Variants in KMT2B observed in about 807,000 individuals in gnomAD.
KMT2B encodes histone-lysine N-methyltransferase 2B.
A neutral mutation model predicts 255.3 loss-of-function variants in KMT2B; 22 were observed. The ratio of observed to expected loss-of-function variants is 0.09; its 90% CI spans 0.06 to 0.12. KMT2B has a LOEUF of 0.12. Among genes scored for constraint, KMT2B ranks in the 10% least tolerant of loss-of-function variants. The pLI, the probability that KMT2B is intolerant of heterozygous loss-of-function variation, is 1.00. For missense variants in KMT2B, 3,149 were observed against 3,737.0 expected (o/e 0.84, Z 4.10); for synonymous variants, 1,730 against 1,498.1 (o/e 1.15, Z -3.57).
rs1038476972 is a variant in KMT2B at position 35,730,027 on chromosome 19, A to G, written c.4978A>G (p.Ser1660Gly). ...TVGCCLSSCL[S>G]NFHFMCARAS... is the part of the protein sequence containing the mutation. The stretch of plus-strand genomic sequence containing the variant: ...GGGCTGCTGCCTGTCCTCCTGCCTC[A>G]GCAACTTCCACTTCATGTGTGCCCG... The change falls in exon 23 of 37, where the codon AGC becomes GGC. Residue 1660 changes from serine (S) to glycine (G), a missense_variant. By Grantham distance (56) the Ser-to-Gly change is moderately conservative (BLOSUM62 0). Around this residue, in one of 18 missense-constraint regions of KMT2B, gnomAD observed 14 missense variants for 69.9 expected, o/e 0.20. Coordinates refer to ENST00000420124, the MANE Select transcript of KMT2B (RefSeq NM_014727.3). The G allele has an allele frequency of 3.7e-6, 6 of 1,613,780 alleles. No individual in the cohort carries two copies. The highest frequency in any genetic ancestry group is 3.4e-6 in the Non-Finnish European group (4 of 1,179,844).
At chr19:35,722,014 T>A (rs1219869588) in intron 3 of KMT2B, among the ~76,000 whole-genome samples, 1 of 151,398 alleles carries the variant, frequency 6.6e-6, no homozygotes, top group African/African-American at 2.4e-5. Flanking sequence ...TTTTTTTTTT[T>A]TTTTTATTTT....
At chr19:35,719,718 C>T in intron 2 of KMT2B, 66 bp from the exon 3 acceptor site, 2 of 1,533,782 alleles carry the variant, frequency 1.3e-6, no homozygotes, top group Non-Finnish European at 1.8e-6. Context: ...CCCTGCCCTC[C>T]TGGAGCGCCT....
At chr19:35,719,751 T>C in intron 2 of KMT2B, 33 bp from the exon 3 acceptor site, 2 of 1,551,354 alleles carry the variant, frequency 1.3e-6, no homozygotes, top group Non-Finnish European at 1.7e-6. Context: ...AGGGCTGGCT[T>C]GATCCATCTC....
At chr19:35,735,462 C>G (rs1324768884) in intron 30 of KMT2B, 1 of 152,348 alleles carries the variant, frequency 6.6e-6, no homozygotes, top group Non-Finnish European at 1.5e-5. Flanking sequence ...CTGGTCCTGC[C>G]TCCTTGCTCA....
chr19:35,729,724 G>T (rs546201417), intron 22 of KMT2B, among the ~76,000 whole-genome samples: 1 of 152,266 alleles, frequency 6.6e-6, no homozygotes, highest in African/African-American at 2.4e-5. Context: ...CACAACCTCC[G>T]CCTGAAAACT....
chr19:35,722,373 G>A lies in KMT2B; in HGVS notation c.2472G>A (p.Gly824=), dbSNP rs1444318408. Residue 824 remains glycine, a synonymous_variant, in exon 4 of 37, where the codon GGG becomes GGA. Coordinates refer to ENST00000420124, the MANE Select transcript of KMT2B (RefSeq NM_014727.3). ...VAASMPLSPG[G]QMEEVAGAVK... is the part of the protein sequence containing the mutation. ...TTCCCTGCCAGCTGAGCCCTGGAGG[G>A]CAGATGGAGGAGGTGGCCGGGGCTG... The A allele has an allele frequency of 6.2e-7, 1 of 1,610,040 alleles. No individual in the cohort carries two copies. The highest frequency in any genetic ancestry group is 2.2e-5 in the East Asian group (1 of 44,852).
rs770375335 is a variant in KMT2B at position 35,721,132 on chromosome 19, A to C, written c.1785A>C (p.Pro595=). The change falls in exon 3 of 37, where the codon CCA becomes CCC. Residue 595 remains proline (P), a synonymous_variant. Coordinates refer to ENST00000420124, the MANE Select transcript of KMT2B (RefSeq NM_014727.3). The stretch of plus-strand genomic sequence containing the variant: ...CAACTCCTCCATCTACCCCAGTTCC[A>C]CTCCCTGAGAAGAGACGGTCCATCC... ...RAPTPPSTPV[P]LPEKRRSILR... is the part of the protein sequence containing the mutation. The C allele has an allele frequency of 1.9e-6, 3 of 1,582,338 alleles. No individual in the cohort carries two copies. In the Admixed American group the frequency reaches 5.3e-5, roughly 28 times the overall value.
rs1392818493 is a variant in KMT2B, at chr19:35,727,079, G to A, written c.4004-77G>A. On this transcript the variant is annotated intron_variant, in intron 14 of 36. Coordinates refer to ENST00000420124, the MANE Select transcript of KMT2B (RefSeq NM_014727.3). The surrounding 1 kb of genome is among the most constrained non-coding windows in gnomAD (Gnocchi z 4.2). Reference sequence around the variant, plus strand: ...GCATAGTGGAGGCAGCTAAGGTACTGCTAATCCTTGAACAGAGACACTCAG... The same window carrying A: ...GCATAGTGGAGGCAGCTAAGGTACTACTAATCCTTGAACAGAGACACTCAG... 2.9e-6 allele frequency: 3 copies of A among 1,029,570 alleles called. No homozygotes were observed. The highest frequency in any genetic ancestry group is 4.4e-6 in the Non-Finnish European group (3 of 682,504). The allele number at this position is 1,029,570 out of a possible 1,614,324, so 63.8% of individuals were successfully genotyped here. A position where few individuals can be genotyped will look rare whatever the true frequency, so the allele number is the denominator to read the frequency against.
rs1215829736 is a variant in KMT2B, at chr19:35,718,344, CGGA to C, written c.334_336del (p.Glu112del). ...TGGGGCCCGAGTCGAGGCTGCGTGC[CGGA>C]GGAGGAGAGCAGTGACGGGGAATCC... On this transcript the variant is annotated inframe_deletion, in exon 1 of 37. Coordinates refer to ENST00000420124, the MANE Select transcript of KMT2B (RefSeq NM_014727.3). The surrounding 1 kb of genome is among the most constrained non-coding windows in gnomAD (Gnocchi z 5.0). 3.2e-6 allele frequency: 4 copies of C among 1,260,836 alleles called. No individual in the cohort carries two copies. Among genetic ancestry groups the C allele is most frequent in the Non-Finnish European group, 4.0e-6 (4 of 996,256 alleles). 78.1% of individuals were successfully genotyped at this position (1,260,836 alleles called of 1,614,324 possible).
intron 22 of KMT2B, 85 bp downstream of exon 22, chr19:35,729,381 C>G: frequency 6.7e-7 from 1 of 1,488,906 alleles, no homozygotes; most frequent in South Asian, 1.2e-5. Flanking sequence ...ACTTCACATT[C>G]CCTACCTGGC....
intron 30 of KMT2B, chr19:35,736,433 A>C: frequency 2.0e-6 from 1 of 496,428 alleles, no homozygotes; most frequent in South Asian, 2.6e-5. Flanking sequence ...GAAGAGCCAA[A>C]AGGCCCCAAG....
chr19:35,722,306 T>C, intron 3 of KMT2B, 53 bp from the exon 4 acceptor site: 2 of 1,522,316 alleles, frequency 1.3e-6, no homozygotes, highest in East Asian at 2.4e-5. Flanking sequence ...CCCAGCTCCC[T>C]GTCCCTATCT....
In KMT2B at chr19:35,733,702, C is replaced by T. The variant is rs1267949908; in HGVS notation, c.7049+16C>T. 5.6e-6 allele frequency: 9 copies of T among 1,604,890 alleles called. No individual in the cohort carries two copies. The highest frequency in any genetic ancestry group is 2.2e-5 in the South Asian group (2 of 89,786). On this transcript the variant is annotated intron_variant, in intron 29 of 36. Coordinates refer to ENST00000420124, the MANE Select transcript of KMT2B (RefSeq NM_014727.3). The surrounding 1 kb of genome is among the most constrained non-coding windows in gnomAD (Gnocchi z 4.3). ...AAAGTCCTGGGTGAGTGGCCAGGCC[C>T]CTCTCCCTGGAGGGTCTGGGACCTC...
rs1969807406 is a variant in KMT2B at position 35,733,555 on chromosome 19, G to A, written c.6960-42G>A. 6.4e-7 allele frequency: 1 copy of A among 1,555,892 alleles called. No homozygotes were observed. The highest frequency in any genetic ancestry group is 2.4e-5 in the East Asian group (1 of 41,272). The stretch of plus-strand genomic sequence containing the variant: ...GGCAGAGCAGGCAAGGGGGCAGATG[G>A]GCGGGAGATGCGGCTCATCCTTCTC... On this transcript the variant is annotated intron_variant, in intron 28 of 36. Coordinates refer to ENST00000420124, the MANE Select transcript of KMT2B (RefSeq NM_014727.3). This position sits in a 1 kb window ranked among gnomAD's most constrained non-coding sequence, Gnocchi z 4.3.
In KMT2B at chr19:35,719,946, C is replaced by T; in HGVS notation, c.599C>T (p.Ala200Val). ...GCACTGACTGAACTTCTCCGGCGGG[C>T]CCAGGCACCCCAAGCACCCCGGAGC... ...VQALTELLRRAQAPQAPRSRA... is the reference protein window; with the variant it reads ...VQALTELLRRVQAPQAPRSRA... Residue 200 changes from alanine (A) to valine (V), a missense_variant, in exon 3 of 37, where the codon GCC (alanine) becomes GTC (valine). Physicochemically the swap from Ala to Val is moderately conservative, Grantham distance 64 (BLOSUM62 0). Coordinates refer to ENST00000420124, the MANE Select transcript of KMT2B (RefSeq NM_014727.3). The T allele has an allele frequency of 2.5e-6, 4 of 1,613,392 alleles. No individual in the cohort carries two copies. The highest frequency in any genetic ancestry group is 2.5e-6 in the Non-Finnish European group (3 of 1,179,866).
rs772001990 is a variant in KMT2B at position 35,723,944 on chromosome 19, G to T, written c.3271G>T (p.Asp1091Tyr). 1.2e-6 allele frequency: 2 copies of T among 1,612,014 alleles called. No homozygotes were observed. The highest frequency in any genetic ancestry group is 1.7e-6 in the Non-Finnish European group (2 of 1,179,306). ...GCGACCCTCCTATGATATCTTCGAG[G>T]ATTCGGATGACTCGGAGCCCGGGGG... Reference protein sequence around the residue: ...KQRPSYDIFEDSDDSEPGGPP... With the variant: ...KQRPSYDIFEYSDDSEPGGPP... Residue 1091 changes from aspartate to tyrosine, a missense_variant, in exon 8 of 37, where the codon GAT becomes TAT. Around this residue, in one of 18 missense-constraint regions of KMT2B, gnomAD observed 136 missense variants for 137.3 expected, o/e 0.99. Transcript: ENST00000420124. This position sits in a 1 kb window ranked among gnomAD's most constrained non-coding sequence, Gnocchi z 7.5.
At chr19:35,719,725 G>C (rs114140622) in intron 2 of KMT2B, 59 bp from the exon 3 acceptor site, 1 of 1,534,246 alleles carries the variant, frequency 6.5e-7, no homozygotes, top group Non-Finnish European at 8.8e-7. Context: ...CTCCTGGAGC[G>C]CCTTCCTCTG....
chr19:35,724,076 A>G, intron 8 of KMT2B, 69 bp downstream of exon 8: 4 of 1,435,056 alleles, frequency 2.8e-6, no homozygotes, highest in Non-Finnish European at 3.7e-6. Context: ...TAGGAGGGAC[A>G]AGGCACCCAG....
In KMT2B at chr19:35,738,243, G is replaced by T. The variant is rs531674178; in HGVS notation, c.7873-39G>T. On this transcript the variant is annotated intron_variant, in intron 36 of 36. Transcript: ENST00000420124. This position sits in a 1 kb window ranked among gnomAD's most constrained non-coding sequence, Gnocchi z 8.7. ...CAGTGGGTGAAGCGAGCCTGTCCGC[G>T]GGGACAGAGCACCTGATCTCCCCAC... is the stretch of plus-strand genomic sequence containing the variant. 1 of 1,593,130 alleles carries T rather than the reference G, an allele frequency of 6.3e-7. No homozygotes were observed. Among genetic ancestry groups the T allele is most frequent in the Non-Finnish European group, 8.6e-7 (1 of 1,161,560 alleles).
Sources: allele counts gnomAD v4.1 joint callset (sites outside exome capture counted in the v4.1 genomes callset), GRCh38; gene constraint gnomAD v4.1.1; regional missense constraint gnomAD v4.1.1; non-coding constraint Gnocchi (gnomAD v3.1); transcripts MANE v1.5; gene names NCBI Gene and HGNC (gene_info 2026-07-23, HGNC 2026-07-21).